Variants in COMMD1 observed in about 807,000 individuals in gnomAD.
The protein encoded by COMMD1 is COMM domain-containing protein 1.
In COMMD1, 10 loss-of-function variants were observed where a neutral mutation model predicts 17.2. That is an observed-to-expected ratio of 0.58 (90% CI 0.36 to 0.99). The LOEUF is 0.99. Ranked by LOEUF, COMMD1 falls within the 50% of genes least tolerant of loss-of-function variation. COMMD1 has a pLI of 0.01. For missense variants in COMMD1, 270 were observed against 231.8 expected (o/e 1.17, Z -1.07); for synonymous variants, 97 against 91.6 (o/e 1.06, Z -0.34).
At chr2:61,976,682 A>C (rs1280174946) in intron 1 of COMMD1, among the ~76,000 whole-genome samples, 9 of 152,242 alleles carry the variant, frequency 5.9e-5, no homozygotes, top group Non-Finnish European at 1.5e-5. Flanking sequence ...ACATTTATGT[A>C]CTACTACAGT....
chr2:61,954,307 T>C (rs2103675903), intron 1 of COMMD1, among the ~76,000 whole-genome samples: 1 of 152,326 alleles, frequency 6.6e-6, no homozygotes, highest in South Asian at 2.1e-4. Context: ...TTTGCTTATA[T>C]AGGCAGAAAA....
upstream of COMMD1, chr2:61,888,676 G>T (rs1268609316): frequency 1.1e-5 from 8 of 759,280 alleles, no homozygotes; most frequent in Non-Finnish European, 1.6e-5. Context: ...CTTGCCGCGC[G>T]GCGCTGGCGT....
chr2:62,117,399 T>G (rs895489522), intron 2 of COMMD1, among the ~76,000 whole-genome samples: 1 of 152,314 alleles, frequency 6.6e-6, no homozygotes. Context: ...AGAATAACAT[T>G]TACATGTGGG....
chr2:61,950,368 G>A (rs979981270), intron 1 of COMMD1, among the ~76,000 whole-genome samples: 6 of 152,232 alleles, frequency 3.9e-5, no homozygotes, highest in Admixed American at 2.0e-4. Context: ...ATAATAGGCA[G>A]GTTGATAGGA....
intron 1 of COMMD1, among the ~76,000 whole-genome samples, chr2:61,986,563 T>C (rs2103767302): frequency 6.8e-6 from 1 of 146,516 alleles, no homozygotes; most frequent in South Asian, 2.2e-4. Context: ...TAGGCATCAT[T>C]CTTTTTTTTT....
chr2:62,014,686 C>G (rs1447519454), intron 2 of COMMD1, among the ~76,000 whole-genome samples: 3 of 149,238 alleles, frequency 2.0e-5, no homozygotes, highest in African/African-American at 7.4e-5. Flanking sequence ...CTCAGCCTCC[C>G]GAGTAGCTGG....
At chr2:61,905,635 G>T, upstream of COMMD1, 1 of 1,492,190 alleles carries the variant, frequency 6.7e-7, no homozygotes, top group South Asian at 1.3e-5. Context: ...GGCCGCCGTG[G>T]CGGGGCACGG....
At chr2:61,959,060 G>A (rs999509751) in intron 1 of COMMD1, among the ~76,000 whole-genome samples, 4 of 152,032 alleles carry the variant, frequency 2.6e-5, no homozygotes, top group African/African-American at 9.7e-5. Flanking sequence ...CTCTTAGTTA[G>A]CATTGTTTGT....
chr2:62,021,571 A>G (rs1486130370), intron 2 of COMMD1, among the ~76,000 whole-genome samples: 1 of 152,212 alleles, frequency 6.6e-6, no homozygotes, highest in African/African-American at 2.4e-5. Context: ...TGGCCTCCTC[A>G]CTTTCTTAAC....
At chr2:62,021,201 C>T (rs1402846780) in intron 2 of COMMD1, among the ~76,000 whole-genome samples, 1 of 152,130 alleles carries the variant, frequency 6.6e-6, no homozygotes, top group Non-Finnish European at 1.5e-5. Flanking sequence ...TTGAATTTTG[C>T]TGGGAAGCCA....
intron 1 of COMMD1, among the ~76,000 whole-genome samples, chr2:61,982,598 A>G (rs780944012): frequency 2.6e-5 from 4 of 152,304 alleles, no homozygotes; most frequent in Non-Finnish European, 4.4e-5. Context: ...TCCTCTATTC[A>G]GTACGATACT....
chr2:62,125,199 C>T (rs531353966), intron 2 of COMMD1, among the ~76,000 whole-genome samples: 8 of 152,178 alleles, frequency 5.3e-5, no homozygotes, highest in Non-Finnish European at 1.2e-4. Context: ...TGGATAAACA[C>T]TTCCTCTAGA....
chr2:62,128,575 C>T (rs1243659933), intron 2 of COMMD1, among the ~76,000 whole-genome samples: 2 of 152,116 alleles, frequency 1.3e-5, no homozygotes, highest in African/African-American at 4.8e-5. Context: ...TGTTCTTCCT[C>T]CTCCTTCTCC....
intron 2 of COMMD1, among the ~76,000 whole-genome samples, chr2:62,124,018 A>T (rs1672823366): frequency 1.3e-5 from 2 of 149,890 alleles, no homozygotes; most frequent in African/African-American, 5.1e-5. Flanking sequence ...AGTTCCTCCC[A>T]GCCAGGCACG....
At chr2:61,942,392 C>T (rs1454008885) in intron 1 of COMMD1, among the ~76,000 whole-genome samples, 1 of 151,026 alleles carries the variant, frequency 6.6e-6, no homozygotes. Flanking sequence ...GCATGAGCCA[C>T]CACGCCTGGC....
chr2:62,042,444 T>C (rs1670245324), intron 2 of COMMD1, among the ~76,000 whole-genome samples: 1 of 152,206 alleles, frequency 6.6e-6, no homozygotes, highest in Non-Finnish European at 1.5e-5. Flanking sequence ...GGGGACTTTG[T>C]GGCACCTAGC....
rs553860946 is a variant in COMMD1, at chr2:61,939,325, G to A, written c.180+33467G>A. Among the ~76,000 whole-genome samples, 576 of 151,742 alleles carry A rather than the reference G, an allele frequency of 3.8e-3. 3 individuals carry two copies. Among genetic ancestry groups the A allele is most frequent in the Non-Finnish European group, 5.8e-3 (396 of 67,920 alleles). On this transcript the variant is annotated intron_variant, in intron 1 of 2. Transcript: ENST00000311832. ...AAAAAAAAAAAAAAAAATTAGCTGGGCATGGTGGCAGGTGCCTGTGGTCCC... is the reference window on the plus strand; with the variant it reads ...AAAAAAAAAAAAAAAAATTAGCTGGACATGGTGGCAGGTGCCTGTGGTCCC...
chr2:62,019,326 G>A (rs1285920243), intron 2 of COMMD1, among the ~76,000 whole-genome samples: 2 of 151,356 alleles, frequency 1.3e-5, no homozygotes, highest in East Asian at 1.9e-4. Flanking sequence ...GGCACCCACC[G>A]CCACACCCAG....
chr2:61,922,104 G>A (rs1219601524), intron 1 of COMMD1, among the ~76,000 whole-genome samples: 1 of 152,116 alleles, frequency 6.6e-6, no homozygotes, highest in Non-Finnish European at 1.5e-5. Flanking sequence ...CAGAAAATGA[G>A]TAGGTCTTCG....
Sources: allele counts gnomAD v4.1 joint callset (sites outside exome capture counted in the v4.1 genomes callset), GRCh38; gene constraint gnomAD v4.1.1; transcripts MANE v1.5; gene names NCBI Gene and HGNC (gene_info 2026-07-23, HGNC 2026-07-21).